Variants in LSAMP observed in about 807,000 individuals in gnomAD.
LSAMP encodes limbic system-associated membrane protein.
Under a neutral mutation model 38.6 loss-of-function variants are expected in LSAMP, and 7 were observed. The observed-to-expected ratio is 0.18, with a 90% confidence interval of 0.10 to 0.34. The LOEUF is 0.34. LSAMP is among the 10% of genes least tolerant of loss of function. LSAMP has a pLI of 1.00. For synonymous variants in LSAMP, 154 were observed against 166.8 expected, an observed-to-expected ratio of 0.92 and a Z score of 0.59; for missense variants, 313 against 420.0, an observed-to-expected ratio of 0.75 and a Z score of 2.23.
chr3:116,232,600 T>C (rs574282480), intron 1 of LSAMP, among the ~76,000 whole-genome samples: 122 of 152,134 alleles, frequency 8.0e-4, no homozygotes, highest in Middle Eastern at 3.4e-3. Flanking sequence ...AATTTCCAAG[T>C]GTGGAAAATC....
chr3:116,389,084 G>A (rs2048660948), intron 1 of LSAMP, among the ~76,000 whole-genome samples: 1 of 152,174 alleles, frequency 6.6e-6, no homozygotes, highest in South Asian at 2.1e-4. Context: ...TTTGTGTCTT[G>A]GAGGGATGGG....
intron 1 of LSAMP, among the ~76,000 whole-genome samples, chr3:116,426,693 G>T (rs2049200857): frequency 6.6e-6 from 1 of 152,068 alleles, no homozygotes; most frequent in Admixed American, 6.6e-5. Context: ...TCTGAAATGT[G>T]AATACATCAT....
chr3:116,042,433 T>TTC (rs1206846698), intron 2 of LSAMP, among the ~76,000 whole-genome samples: 1 of 146,258 alleles, frequency 6.8e-6, no homozygotes, highest in African/African-American at 2.5e-5. Flanking sequence ...GAGCATTTCT[T>TTC]TTTTTTTTTT....
intron 1 of LSAMP, among the ~76,000 whole-genome samples, chr3:116,381,990 G>T (rs928850952): frequency 6.6e-6 from 1 of 152,112 alleles, no homozygotes; most frequent in Non-Finnish European, 1.5e-5. Context: ...ATTTGAAAAG[G>T]GTTGCAAAAC....
chr3:116,107,420 C>G (rs1379053017), intron 1 of LSAMP, among the ~76,000 whole-genome samples: 9 of 152,094 alleles, frequency 5.9e-5, no homozygotes, highest in Non-Finnish European at 1.2e-4. Context: ...GACATGAGGG[C>G]TAGGCTAAAA....
At chr3:115,932,541 A>G (rs1008271000) in intron 3 of LSAMP, among the ~76,000 whole-genome samples, 8 of 152,252 alleles carry the variant, frequency 5.3e-5, no homozygotes, top group Non-Finnish European at 1.5e-5. Flanking sequence ...AATGATGTGA[A>G]GAGAAGAGAA....
At chr3:116,432,148 C>T (rs2049289962) in intron 1 of LSAMP, among the ~76,000 whole-genome samples, 1 of 151,704 alleles carries the variant, frequency 6.6e-6, no homozygotes, top group Non-Finnish European at 1.5e-5. Flanking sequence ...TATCTGTTTA[C>T]ATGCTTGATA....
At chr3:116,116,815 C>T (rs944750811) in intron 1 of LSAMP, among the ~76,000 whole-genome samples, 4 of 152,072 alleles carry the variant, frequency 2.6e-5, no homozygotes, top group South Asian at 2.1e-4. Context: ...AGTTTGACTA[C>T]GGTGAGGCCG....
At chr3:115,867,007 A>T (rs868438747) in intron 3 of LSAMP, among the ~76,000 whole-genome samples, 5 of 151,992 alleles carry the variant, frequency 3.3e-5, no homozygotes, top group South Asian at 4.1e-4. Flanking sequence ...AAAGAAGAGG[A>T]TGCTGCTAGG....
rs78314946 is a variant in LSAMP, at chr3:116,095,913, C to T, written c.156-9357G>A. Among the ~76,000 whole-genome samples the T allele has an allele frequency of 3.8e-3, 586 of 152,262 alleles. 11 individuals carry two copies. Among genetic ancestry groups the T allele is most frequent in the East Asian group, 0.025 (132 of 5,180 alleles). On this transcript the variant is annotated intron_variant, in intron 1 of 6. Coordinates refer to ENST00000490035, the MANE Select transcript of LSAMP (RefSeq NM_002338.5). ...AGGCAAGTTACTTAGCAGAGAAAGG[C>T]AGCGTGGTGGGGTGGCGATAGGTTT...
chr3:116,243,963 G>T lies in LSAMP; in HGVS notation c.156-157407C>A, dbSNP rs2107641085. Among the ~76,000 whole-genome samples the T allele has an allele frequency of 1.3e-5, 2 of 152,222 alleles. 1 individual carries two copies. Among genetic ancestry groups the T allele is most frequent in the African/African-American group, 4.8e-5 (2 of 41,538 alleles). ...TTCAGTAGAAAGTTCCCTGTGCTTGGCAAATCTTTTATTTCTCCCTAGTAA... is the reference window on the plus strand; with the variant it reads ...TTCAGTAGAAAGTTCCCTGTGCTTGTCAAATCTTTTATTTCTCCCTAGTAA... On this transcript the variant is annotated intron_variant, in intron 1 of 6. Coordinates refer to ENST00000490035, the MANE Select transcript of LSAMP (RefSeq NM_002338.5).
intron 1 of LSAMP, among the ~76,000 whole-genome samples, chr3:116,188,978 A>G (rs1710690867): frequency 6.6e-6 from 1 of 152,208 alleles, no homozygotes; most frequent in African/African-American, 2.4e-5. Flanking sequence ...TAATGCAACA[A>G]TTACTTCTGA....
intron 4 of LSAMP, 61 bp from the exon 5 acceptor site, chr3:115,842,639 A>C: frequency 6.3e-7 from 1 of 1,596,264 alleles, no homozygotes; most frequent in South Asian, 1.1e-5. Context: ...ATTTCTATTC[A>C]GGAAGGAATG....
intron 1 of LSAMP, among the ~76,000 whole-genome samples, chr3:116,178,763 TA>T (rs1710414576): frequency 6.6e-6 from 1 of 152,050 alleles, no homozygotes; most frequent in South Asian, 2.1e-4. Flanking sequence ...AAACAGATAA[TA>T]AAAATAAATA....
chr3:116,338,610 G>A (rs970867565), intron 1 of LSAMP, among the ~76,000 whole-genome samples: 1 of 152,010 alleles, frequency 6.6e-6, no homozygotes, highest in Non-Finnish European at 1.5e-5. Context: ...TTCAATTCAA[G>A]TAGTGATAAA....
chr3:115,882,492 T>C (rs897024868), intron 3 of LSAMP, among the ~76,000 whole-genome samples: 1 of 152,162 alleles, frequency 6.6e-6, no homozygotes, highest in Admixed American at 6.6e-5. Flanking sequence ...CCAATTTCTC[T>C]GAATCCATAC....
chr3:116,196,696 G>A (rs1443756644), intron 1 of LSAMP, among the ~76,000 whole-genome samples: 1 of 152,218 alleles, frequency 6.6e-6, no homozygotes, highest in South Asian at 2.1e-4. Context: ...GCCTTATCAC[G>A]TGTAGTCAAA....
At chr3:116,183,950 C>A (rs145716975) in intron 1 of LSAMP, among the ~76,000 whole-genome samples, 204 of 151,836 alleles carry the variant, frequency 1.3e-3, no homozygotes, top group Non-Finnish European at 2.0e-3. Context: ...CATTAAATAT[C>A]ATGTGAATGG....
chr3:116,139,774 C>A (rs1280983747), intron 1 of LSAMP, among the ~76,000 whole-genome samples: 1 of 151,924 alleles, frequency 6.6e-6, no homozygotes, highest in East Asian at 1.9e-4. Context: ...AAAGATGCAG[C>A]TAGAGACAAC....
Sources: allele counts gnomAD v4.1 joint callset (sites outside exome capture counted in the v4.1 genomes callset), GRCh38; gene constraint gnomAD v4.1.1; transcripts MANE v1.5; gene names NCBI Gene and HGNC (gene_info 2026-07-23, HGNC 2026-07-21).